KCNC2: variants seen among roughly 807,000 people sequenced by gnomAD.
KCNC2 encodes potassium voltage-gated channel subfamily C member 2.
Under a neutral mutation model 44.5 loss-of-function variants are expected in KCNC2, and 21 were observed. The ratio of observed to expected loss-of-function variants is 0.47; its 90% CI spans 0.33 to 0.68. The LOEUF (loss-of-function observed/expected upper bound fraction) is 0.68. KCNC2 is among the 30% of genes least tolerant of loss of function. KCNC2 has a pLI of 0.01. For missense variants in KCNC2, 589 were observed against 826.2 expected, an observed-to-expected ratio of 0.71 and a Z score of 3.52; for synonymous variants, 391 against 339.1, an observed-to-expected ratio of 1.15 and a Z score of -1.68.
intron 2 of KCNC2, among the ~76,000 whole-genome samples, chr12:75,067,453 C>T (rs1020965863): frequency 7.2e-5 from 11 of 151,980 alleles, no homozygotes; most frequent in African/African-American, 2.2e-4. Context: ...CCATGATAGA[C>T]CAGTGAACAT....
chr12:75,107,790 T>TA (rs1282449001), intron 2 of KCNC2, among the ~76,000 whole-genome samples: 2 of 152,210 alleles, frequency 1.3e-5, no homozygotes, highest in African/African-American at 4.8e-5. Context: ...TTACTTTTTC[T>TA]AAAATATTCA....
At chr12:75,197,190 G>A (rs2030844451) in intron 2 of KCNC2, among the ~76,000 whole-genome samples, 1 of 152,120 alleles carries the variant, frequency 6.6e-6, no homozygotes, top group East Asian at 1.9e-4. Flanking sequence ...GTCCATTGCT[G>A]TCCTGGACTG....
At chr12:75,090,587 C>G (rs1289256955) in intron 2 of KCNC2, among the ~76,000 whole-genome samples, 1 of 151,692 alleles carries the variant, frequency 6.6e-6, no homozygotes, top group Non-Finnish European at 1.5e-5. Flanking sequence ...TAGGTAACTA[C>G]AGTTGTAATT....
At chr12:75,116,215 A>C (rs1887649760) in intron 2 of KCNC2, among the ~76,000 whole-genome samples, 1 of 152,202 alleles carries the variant, frequency 6.6e-6, no homozygotes, top group Non-Finnish European at 1.5e-5. Context: ...AATTCCAAAG[A>C]CGGTTGCAGG....
Position 75,042,795 on chromosome 12 carries a change from ATC to A in KCNC2, c.*308_*309del. 8.5e-7 allele frequency: 1 copy of A among 1,177,938 alleles called. No individual in the cohort carries two copies. Among genetic ancestry groups the A allele is most frequent in the African/African-American group, 1.6e-5 (1 of 63,182 alleles). 73.0% of individuals were successfully genotyped at this position (1,177,938 alleles called of 1,614,324 possible). On this transcript the variant is annotated 3_prime_UTR_variant, in exon 5 of 5. Coordinates refer to ENST00000549446, the MANE Select transcript of KCNC2 (RefSeq NM_139137.4). Reference sequence around the variant, plus strand: ...TTTGGAAGCACACTGTTTTAAATATATCTCCCTGAAGGTATGTTTATATATTA... The same window carrying A: ...TTTGGAAGCACACTGTTTTAAATATATCCCTGAAGGTATGTTTATATATTA...
At chr12:75,135,445 T>C (rs1403482421) in intron 2 of KCNC2, among the ~76,000 whole-genome samples, 2 of 152,032 alleles carry the variant, frequency 1.3e-5, no homozygotes, top group African/African-American at 4.8e-5. Flanking sequence ...ATGATGCCCT[T>C]AAATTATTTC....
At chr12:75,095,218 A>T (rs1025312104) in intron 2 of KCNC2, among the ~76,000 whole-genome samples, 1 of 151,848 alleles carries the variant, frequency 6.6e-6, no homozygotes, top group Middle Eastern at 3.2e-3. Context: ...TTTCATCTGC[A>T]ATCTATGATC....
At chr12:75,183,659 T>C (rs1892747148) in intron 2 of KCNC2, among the ~76,000 whole-genome samples, 1 of 152,220 alleles carries the variant, frequency 6.6e-6, no homozygotes, top group African/African-American at 2.4e-5. Flanking sequence ...CAAGTCCAAC[T>C]GAATGATACC....
intron 2 of KCNC2, among the ~76,000 whole-genome samples, chr12:75,087,758 TGAGAA>T (rs1885142808): frequency 6.6e-6 from 1 of 152,018 alleles, no homozygotes; most frequent in African/African-American, 2.4e-5. Context: ...AGGCCAGGCC[TGAGAA>T]CATGAGCACA....
intron 2 of KCNC2, among the ~76,000 whole-genome samples, chr12:75,075,774 A>G (rs967949660): frequency 3.3e-5 from 5 of 152,118 alleles, no homozygotes; most frequent in Non-Finnish European, 7.4e-5. Context: ...TAGCTACTCA[A>G]TAAGTGTATC....
chr12:75,129,748 T>C (rs551592181), intron 2 of KCNC2, among the ~76,000 whole-genome samples: 3 of 152,278 alleles, frequency 2.0e-5, no homozygotes. Flanking sequence ...CAAAACAATC[T>C]GAATGCCCAT....
chr12:75,110,451 T>C (rs1405519361), intron 2 of KCNC2, among the ~76,000 whole-genome samples: 1 of 152,022 alleles, frequency 6.6e-6, no homozygotes, highest in Non-Finnish European at 1.5e-5. Context: ...CCAGGGGAAA[T>C]AAAAGAAGTA....
intron 2 of KCNC2, among the ~76,000 whole-genome samples, chr12:75,168,974 T>C (rs1891637435): frequency 6.6e-6 from 1 of 151,520 alleles, no homozygotes; most frequent in African/African-American, 2.4e-5. Context: ...AGAAAGATTT[T>C]CCTTTTTGAA....
intron 2 of KCNC2, among the ~76,000 whole-genome samples, chr12:75,110,161 C>T (rs1032489644): frequency 7.9e-5 from 12 of 152,106 alleles, no homozygotes; most frequent in African/African-American, 2.9e-4. Context: ...ACTGAAGAAA[C>T]ACTTGAGCTA....
chr12:75,206,431 A>G (rs1198540180), intron 2 of KCNC2, among the ~76,000 whole-genome samples: 3 of 152,224 alleles, frequency 2.0e-5, no homozygotes, highest in Non-Finnish European at 2.9e-5. Flanking sequence ...ATTAATTGGG[A>G]ATGTCAAGGA....
chr12:75,042,595 C>A lies in KCNC2; in HGVS notation c.*510G>T, dbSNP rs2136908106. 1 of 1,341,910 alleles carries A rather than the reference C, an allele frequency of 7.5e-7. No homozygotes were observed. The highest frequency in any genetic ancestry group is 9.5e-7 in the Non-Finnish European group (1 of 1,047,454). The allele number at this position is 1,341,910 out of a possible 1,614,324, so 83.1% of individuals were successfully genotyped here. On this transcript the variant is annotated 3_prime_UTR_variant, in exon 5 of 5. Transcript: ENST00000549446. ...GATGGTTCGATGCAAGTACACATAT[C>A]CTGAGCTATCCACAGTCCCCGAACT...
intron 2 of KCNC2, among the ~76,000 whole-genome samples, chr12:75,170,366 C>G (rs1593017781): frequency 6.6e-6 from 1 of 151,688 alleles, no homozygotes; most frequent in Non-Finnish European, 1.5e-5. Flanking sequence ...AAGAGGAAGA[C>G]AGTTGTCCCT....
intron 2 of KCNC2, among the ~76,000 whole-genome samples, chr12:75,063,629 C>A (rs1314117815): frequency 6.6e-6 from 1 of 152,000 alleles, no homozygotes; most frequent in Non-Finnish European, 1.5e-5. Context: ...TACTAGAGGA[C>A]AGACAATAGG....
intron 2 of KCNC2, among the ~76,000 whole-genome samples, chr12:75,154,418 G>C (rs775985203): frequency 4.2e-4 from 64 of 152,130 alleles, no homozygotes; most frequent in Admixed American, 9.8e-4. Flanking sequence ...CATCACACCT[G>C]TCCTCGAAGT....
Sources: gnomAD v4.1 joint callset for allele counts (sites outside exome capture counted in the v4.1 genomes callset) on GRCh38, gnomAD v4.1.1 for gene constraint, MANE v1.5 for transcripts, NCBI Gene and HGNC (gene_info 2026-07-23, HGNC 2026-07-21) for gene names.